PDE7B: variants seen among roughly 807,000 people sequenced by gnomAD.
PDE7B encodes phosphodiesterase 7B.
A neutral mutation model predicts 56.2 loss-of-function variants in PDE7B; 29 were observed. The observed-to-expected ratio is 0.52, with a 90% CI of 0.38 to 0.70. PDE7B has a LOEUF of 0.70. Ranked by LOEUF, PDE7B falls within the 30% of genes least tolerant of loss-of-function variation. The pLI, the probability that PDE7B is intolerant of heterozygous loss-of-function variation, is 0.00. For synonymous variants in PDE7B, 197 were observed against 196.9 expected (o/e 1.00, Z 0.00); for missense variants, 490 against 565.0 (o/e 0.87, Z 1.35).
intron 2 of PDE7B, among the ~76,000 whole-genome samples, chr6:135,985,044 A>G (rs1358211173): frequency 6.6e-6 from 1 of 152,192 alleles, no homozygotes; most frequent in African/African-American, 2.4e-5. Context: ...GAAATAATGG[A>G]ATGAAGTTAA....
chr6:135,992,351 C>T (rs1362959942), intron 2 of PDE7B, among the ~76,000 whole-genome samples: 1 of 152,186 alleles, frequency 6.6e-6, no homozygotes, highest in African/African-American at 2.4e-5. Flanking sequence ...GATATTTTCA[C>T]CATAGCAGTC....
chr6:136,104,597 G>C (rs555388333), intron 2 of PDE7B, among the ~76,000 whole-genome samples: 5 of 152,288 alleles, frequency 3.3e-5, no homozygotes, highest in South Asian at 2.1e-4. Flanking sequence ...GAGAAGGAAA[G>C]AAAACTTTCT....
chr6:135,974,651 A>G (rs1775152607), intron 2 of PDE7B, among the ~76,000 whole-genome samples: 1 of 152,214 alleles, frequency 6.6e-6, no homozygotes, highest in South Asian at 2.1e-4. Flanking sequence ...ATGCCTGATT[A>G]TATCTAGGCA....
intron 3 of PDE7B, among the ~76,000 whole-genome samples, chr6:136,116,901 A>G (rs575801): frequency 0.013 from 2,046 of 152,320 alleles, 24 homozygotes; most frequent in Non-Finnish European, 0.021. Flanking sequence ...AAGACTGTCC[A>G]TGAGAAATCC....
At chr6:135,921,720 C>G (rs1774085224) in intron 1 of PDE7B, among the ~76,000 whole-genome samples, 2 of 151,904 alleles carry the variant, frequency 1.3e-5, no homozygotes, top group Admixed American at 1.3e-4. Flanking sequence ...GAAAATTAAA[C>G]CAGGTACCAA....
chr6:136,123,573 T>C (rs1347992959), intron 3 of PDE7B, among the ~76,000 whole-genome samples: 1 of 152,224 alleles, frequency 6.6e-6, no homozygotes, highest in African/African-American at 2.4e-5. Context: ...GTTGGTCAAA[T>C]GGTCTCTTCG....
chr6:135,894,979 T>C (rs1189517417), intron 1 of PDE7B, among the ~76,000 whole-genome samples: 1 of 152,104 alleles, frequency 6.6e-6, no homozygotes, highest in African/African-American at 2.4e-5. Flanking sequence ...TCAAATGCCT[T>C]TATATTAAAT....
chr6:135,997,340 G>C (rs1775582886), intron 2 of PDE7B, among the ~76,000 whole-genome samples: 1 of 137,956 alleles, frequency 7.2e-6, no homozygotes, highest in African/African-American at 2.7e-5. Flanking sequence ...CTTGAGCCTG[G>C]AAGGTCAAGG....
At chr6:136,054,748 T>C (rs1776699291) in intron 2 of PDE7B, among the ~76,000 whole-genome samples, 1 of 152,192 alleles carries the variant, frequency 6.6e-6, no homozygotes, top group South Asian at 2.1e-4. Flanking sequence ...TGGTTTGTAG[T>C]TCTCCTTGAA....
chr6:136,056,637 T>C (rs929741124), intron 2 of PDE7B, among the ~76,000 whole-genome samples: 5 of 147,450 alleles, frequency 3.4e-5, no homozygotes, highest in African/African-American at 1.3e-4. Context: ...GTTCAATCGA[T>C]TCTCCTGCCA....
intron 8 of PDE7B, chr6:136,162,472 A>G (rs991703753): frequency 6.6e-6 from 1 of 152,158 alleles, no homozygotes; most frequent in African/African-American, 2.4e-5. Flanking sequence ...GGCCCCTCCC[A>G]TCACATGTAG....
intron 3 of PDE7B, among the ~76,000 whole-genome samples, chr6:136,116,050 C>T (rs1255822015): frequency 2.0e-5 from 3 of 152,176 alleles, no homozygotes; most frequent in Non-Finnish European, 4.4e-5. Context: ...ATAAACATTA[C>T]ACCAAGTACC....
At chr6:135,997,571 T>C (rs1775589633) in intron 2 of PDE7B, among the ~76,000 whole-genome samples, 1 of 151,934 alleles carries the variant, frequency 6.6e-6, no homozygotes, top group Non-Finnish European at 1.5e-5. Flanking sequence ...AAGCTCTTTA[T>C]ACAGAGATGT....
At chr6:136,151,057 T>C in intron 5 of PDE7B, 103 bp from the exon 6 acceptor site, 1 of 643,442 alleles carries the variant, frequency 1.6e-6, no homozygotes, top group East Asian at 2.6e-5. Flanking sequence ...GAAAAAATAT[T>C]CTATCACAGA....
chr6:135,947,979 GAC>G (rs1335789757), intron 2 of PDE7B, among the ~76,000 whole-genome samples: 1 of 151,964 alleles, frequency 6.6e-6, no homozygotes. Flanking sequence ...AACTATTATC[GAC>G]ACAGCATTTG....
intron 1 of PDE7B, among the ~76,000 whole-genome samples, chr6:135,878,104 G>A (rs1256044294): frequency 6.6e-6 from 1 of 152,182 alleles, no homozygotes; most frequent in East Asian, 1.9e-4. Flanking sequence ...GGCCCAAGGG[G>A]TATGGACAGA....
At chr6:135,941,369 T>G (rs1583785706) in intron 1 of PDE7B, among the ~76,000 whole-genome samples, 1 of 152,394 alleles carries the variant, frequency 6.6e-6, no homozygotes, top group Non-Finnish European at 1.5e-5. Flanking sequence ...TTTTTCTGCA[T>G]TTCTGCAATA....
At chr6:135,870,270 T>C (rs1450542134) in intron 1 of PDE7B, among the ~76,000 whole-genome samples, 3 of 152,176 alleles carry the variant, frequency 2.0e-5, no homozygotes, top group African/African-American at 7.2e-5. Flanking sequence ...TACACAATGC[T>C]GTGATTCCAG....
intron 1 of PDE7B, among the ~76,000 whole-genome samples, chr6:135,943,559 T>C (rs187744177): frequency 2.3e-3 from 354 of 152,362 alleles, no homozygotes; most frequent in Non-Finnish European, 3.9e-3. Flanking sequence ...CTATCCATCA[T>C]TGGAGAAGAG....
Sources: gnomAD v4.1 joint callset for allele counts (sites outside exome capture counted in the v4.1 genomes callset) on GRCh38, gnomAD v4.1.1 for gene constraint, MANE v1.5 for transcripts, NCBI Gene and HGNC (gene_info 2026-07-23, HGNC 2026-07-21) for gene names.